Variants in ANG observed in about 807,000 individuals in gnomAD.
The protein encoded by ANG is angiogenin.
For missense variants in ANG, 178 were observed against 187.4 expected (o/e 0.95, Z 0.29); for synonymous variants, 74 against 73.8 (o/e 1.00, Z -0.02).
intron 1 of ANG, among the ~76,000 whole-genome samples, chr14:20,693,002 T>C (rs554968728): frequency 3.3e-3 from 500 of 151,430 alleles, no homozygotes; most frequent in Middle Eastern, 0.01. Context: ...CGCCCGCCAC[T>C]ACGCCCGGCT....
At chr14:20,684,919 C>G (rs557019430), upstream of ANG, among the ~76,000 whole-genome samples, 6 of 152,188 alleles carry the variant, frequency 3.9e-5, no homozygotes, top group African/African-American at 1.2e-4. Context: ...GTGAAAGTCC[C>G]GTATTTGTAT....
intron 1 of ANG, among the ~76,000 whole-genome samples, chr14:20,691,737 G>A (rs1886761962): frequency 6.6e-6 from 1 of 152,234 alleles, no homozygotes; most frequent in African/African-American, 2.4e-5. Flanking sequence ...CAATAATGGA[G>A]TAAATAGCAG....
chr14:20,684,690 G>T (rs1002905271), upstream of ANG: 1 of 152,314 alleles, frequency 6.6e-6, no homozygotes, highest in African/African-American at 2.4e-5. Flanking sequence ...TAGGGAGGAA[G>T]AAGCGGGTGA....
At chr14:20,686,369 G>C (rs1387700530), upstream of ANG, among the ~76,000 whole-genome samples, 1 of 152,242 alleles carries the variant, frequency 6.6e-6, no homozygotes, top group African/African-American at 2.4e-5. Context: ...GCAGGCAAGA[G>C]TAAGAGGTTT....
upstream of ANG, among the ~76,000 whole-genome samples, chr14:20,687,119 A>G (rs1368797286): frequency 6.6e-6 from 1 of 152,222 alleles, no homozygotes; most frequent in Non-Finnish European, 1.5e-5. Context: ...ACTGACAAAG[A>G]TGTGATGTTC....
upstream of ANG, chr14:20,684,756 G>A (rs1886343668): frequency 6.5e-6 from 1 of 152,998 alleles, no homozygotes. Flanking sequence ...TTCTGAGGCC[G>A]AGGTAGGTTC....
Position 20,689,788 on chromosome 14 carries a change from C to T in ANG, c.-19+914C>T, listed in dbSNP as rs965575058. 5.9e-5 allele frequency among the ~76,000 whole-genome samples: 9 copies of T among 151,884 alleles called. No individual in the cohort carries two copies. The East Asian group carries it at 1.2e-3, about 20-fold the overall frequency. On this transcript the variant is annotated intron_variant, in intron 1 of 1. Coordinates refer to ENST00000397990, the MANE Select transcript of ANG (RefSeq NM_001097577.3). ...AAAATTAGCCAAGCGTGGTGGTGGC[C>T]GCCTGTAATCCCAGCTACTTGGGAG...
At chr14:20,685,923 C>G (rs1448712486), upstream of ANG, among the ~76,000 whole-genome samples, 1 of 151,850 alleles carries the variant, frequency 6.6e-6, no homozygotes, top group Non-Finnish European at 1.5e-5. Flanking sequence ...ACCTGTAACC[C>G]CAGCTACTCG....
intron 1 of ANG, among the ~76,000 whole-genome samples, chr14:20,691,432 G>A (rs976722442): frequency 1.3e-5 from 2 of 152,228 alleles, no homozygotes; most frequent in Admixed American, 1.3e-4. Flanking sequence ...ACACACCCAG[G>A]AGACTGAAAA....
chr14:20,686,163 G>C (rs1464089360), upstream of ANG, among the ~76,000 whole-genome samples: 1 of 152,122 alleles, frequency 6.6e-6, no homozygotes, highest in Non-Finnish European at 1.5e-5. Context: ...TTTAATATGA[G>C]GGGTGGACAG....
In ANG at chr14:20,693,946, GT is replaced by G. The variant is rs1322637152; in HGVS notation, c.384del (p.Val129LeufsTer65). 1 of 1,614,120 alleles carries G rather than the reference GT, an allele frequency of 6.2e-7. No individual in the cohort carries two copies. Among genetic ancestry groups the G allele is most frequent in the Non-Finnish European group, 8.5e-7 (1 of 1,180,022 alleles). ...YRATAGFRNVVVACENGLPVH... is the reference protein window; with the variant it reads ...YRATAGFRNVXVACENGLPVH... ...AGCCACAGCGGGGTTCAGAAACGTT[GT>G]TGTTGCTTGTGAAAATGGCTTACCT... On this transcript the variant is annotated frameshift_variant, in exon 2 of 2. Transcript: ENST00000397990. LOFTEE classifies it low-confidence loss of function (END_TRUNC).
chr14:20,694,044 C>G lies in ANG; in HGVS notation c.*36C>G. 1 of 1,611,144 alleles carries G rather than the reference C, an allele frequency of 6.2e-7. No homozygotes were observed. The highest frequency in any genetic ancestry group is 1.1e-5 in the South Asian group (1 of 90,958). On this transcript the variant is annotated 3_prime_UTR_variant, in exon 2 of 2. Coordinates refer to ENST00000397990, the MANE Select transcript of ANG (RefSeq NM_001097577.3). ...CCTGGTCAAGTGCTGGCTCTGCTGT[C>G]CTTGCCTTCCATTTCCCCTCTGCAC...
chr14:20,694,089 A>C lies in ANG; in HGVS notation c.*81A>C, dbSNP rs550007170. ...CTGCACCCAGAACAGTGGTGGCAAC[A>C]TTCATTGCCAAGGGCCCAAAGAAAG... is the stretch of plus-strand genomic sequence containing the variant. On this transcript the variant is annotated 3_prime_UTR_variant, in exon 2 of 2. Transcript: ENST00000397990. 1,946 of 1,499,086 alleles carry C rather than the reference A, an allele frequency of 1.3e-3. 3 individuals are homozygous for C. The highest frequency in any genetic ancestry group is 1.6e-3 in the Non-Finnish European group (1,668 of 1,075,626). 92.9% of individuals were successfully genotyped at this position (1,499,086 alleles called of 1,614,324 possible).
upstream of ANG, among the ~76,000 whole-genome samples, chr14:20,685,757 G>A (rs1331335767): frequency 6.6e-6 from 1 of 152,118 alleles, no homozygotes; most frequent in Non-Finnish European, 1.5e-5. Flanking sequence ...TAAAAGTTGT[G>A]TGGGCCCGGC....
upstream of ANG, among the ~76,000 whole-genome samples, chr14:20,685,144 G>GT (rs1886364473): frequency 6.6e-6 from 1 of 152,094 alleles, no homozygotes; most frequent in Non-Finnish European, 1.5e-5. Flanking sequence ...TTTTGCAAGC[G>GT]TAACTAACAT....
In ANG at chr14:20,693,642, T is replaced by C. The variant is rs1886929351; in HGVS notation, c.78T>C (p.Asp26=). ...TGACCCCACCGACCCTGGCTCAGGA[T>C]AACTCCAGGTACACACACTTCCTGA... The part of the protein sequence containing the change: ...LGLTPPTLAQ[D]NSRYTHFLTQ... The change falls in exon 2 of 2, where the codon GAT becomes GAC. Residue 26 remains aspartate (D), a synonymous_variant. Coordinates refer to ENST00000397990, the MANE Select transcript of ANG (RefSeq NM_001097577.3). The C allele has an allele frequency of 6.2e-7, 1 of 1,614,024 alleles. No homozygotes were observed. Among genetic ancestry groups the C allele is most frequent in the Non-Finnish European group, 8.5e-7 (1 of 1,180,044 alleles).
chr14:20,693,156 T>C (rs1886888404), intron 1 of ANG, among the ~76,000 whole-genome samples: 1 of 152,248 alleles, frequency 6.6e-6, no homozygotes, highest in Non-Finnish European at 1.5e-5. Context: ...CGTCATTTGG[T>C]ATGTCTTAAT....
At position 20,694,138 on chromosome 14, in the gene ANG, T is replaced by C. The variant is rs911578969; in HGVS notation, c.*130T>C. 6.1e-6 allele frequency: 6 copies of C among 978,476 alleles called. No individual in the cohort carries two copies. The highest frequency in any genetic ancestry group is 3.2e-5 in the African/African-American group (2 of 61,794). The allele number at this position is 978,476 out of a possible 1,614,324, so 60.6% of individuals were successfully genotyped here. A position where few individuals can be genotyped will look rare whatever the true frequency, so the allele number is the denominator to read the frequency against. Reference sequence around the variant, plus strand: ...AGAGCTACCTGGACCTTTTGTTTTCTGTTTGACAACATGTTTAATAAATAA... The same window carrying C: ...AGAGCTACCTGGACCTTTTGTTTTCCGTTTGACAACATGTTTAATAAATAA... On this transcript the variant is annotated 3_prime_UTR_variant, in exon 2 of 2. Transcript: ENST00000397990.
chr14:20,693,542 C>G lies in ANG; in HGVS notation c.-18-5C>G, dbSNP rs372622387. 6.2e-7 allele frequency: 1 copy of G among 1,610,212 alleles called. No individual in the cohort carries two copies. Among genetic ancestry groups the G allele is most frequent in the South Asian group, 1.1e-5 (1 of 90,992 alleles). On this transcript the variant is annotated splice_region_variant and splice_polypyrimidine_tract_variant and intron_variant, in intron 1 of 1. Transcript: ENST00000397990. ...GTCTACCACACCTCCTTTTGCCCTC[C>G]GCAGGAGCCTGTGTTGGAAGAGATG... is the stretch of plus-strand genomic sequence containing the variant.
Sources: allele counts gnomAD v4.1 joint callset (sites outside exome capture counted in the v4.1 genomes callset), GRCh38; gene constraint gnomAD v4.1.1; transcripts MANE v1.5; gene names NCBI Gene and HGNC (gene_info 2026-07-23, HGNC 2026-07-21).